Variants in TRIO observed in about 807,000 individuals in gnomAD.
TRIO encodes triple functional domain protein.
A neutral mutation model predicts 351.9 loss-of-function variants in TRIO; 58 were observed. The ratio of observed to expected loss-of-function variants is 0.16; its 90% CI spans 0.13 to 0.21. The LOEUF (loss-of-function observed/expected upper bound fraction) is 0.21. TRIO is among the 10% of genes least tolerant of loss of function. TRIO has a pLI of 1.00. For missense variants in TRIO, 3,201 were observed against 4,027.8 expected (o/e 0.79, Z 5.56); for synonymous variants, 1,758 against 1,595.7 (o/e 1.10, Z -2.42).
intron 1 of TRIO, among the ~76,000 whole-genome samples, chr5:14,179,302 T>G (rs1054864622): frequency 1.3e-5 from 2 of 152,212 alleles, no homozygotes; most frequent in Admixed American, 1.3e-4. Flanking sequence ...ACGGTGAAGT[T>G]AGAGGAATTG....
chr5:14,460,619 C>T (rs937159739), intron 34 of TRIO, among the ~76,000 whole-genome samples: 1 of 152,216 alleles, frequency 6.6e-6, no homozygotes. Context: ...TAAATTCATT[C>T]TTCTTTCTTG....
intron 7 of TRIO, among the ~76,000 whole-genome samples, chr5:14,298,718 A>G (rs1357330130): frequency 2.6e-5 from 4 of 152,226 alleles, no homozygotes; most frequent in African/African-American, 9.6e-5. Flanking sequence ...GTGATTTATA[A>G]AGAGAAACAA....
At position 14,157,442 on chromosome 5, in the gene TRIO, CCTCT is replaced by C. The variant is rs571633492; in HGVS notation, c.157+13566_157+13569del. On this transcript the variant is annotated intron_variant, in intron 1 of 56. Transcript: ENST00000344204. ...GTGTCTCCCTCTCTCTCCCTGTCTCCCTCTCTCTCCCTGTCTCCCTCTCTCTCCC... is the reference window on the plus strand; with the variant it reads ...GTGTCTCCCTCTCTCTCCCTGTCTCCCTCTCCCTGTCTCCCTCTCTCTCCC... Among the ~76,000 whole-genome samples the C allele has an allele frequency of 2.5e-3, 351 of 138,910 alleles. 1 individual carries two copies. Among genetic ancestry groups the C allele is most frequent in the African/African-American group, 8.8e-3 (325 of 36,956 alleles). 91.1% of individuals were successfully genotyped at this position (138,910 alleles called of 152,430 possible). A position where few individuals can be genotyped will look rare whatever the true frequency, so the allele number is the denominator to read the frequency against.
intron 1 of TRIO, among the ~76,000 whole-genome samples, chr5:14,237,430 C>T (rs886651110): frequency 2.0e-5 from 3 of 152,122 alleles, no homozygotes; most frequent in Non-Finnish European, 2.9e-5. Flanking sequence ...TTGTGAGTGT[C>T]GTGTGATGGG....
At position 14,304,599 on chromosome 5, in the gene TRIO, G is replaced by A. The variant is rs758803105; in HGVS notation, c.1500+7G>A. ...CACTCTTGCTTATTCTGAGGTAAGTGGCCAGTTTTACTTACATTGCAAAGC... is the reference window on the plus strand; with the variant it reads ...CACTCTTGCTTATTCTGAGGTAAGTAGCCAGTTTTACTTACATTGCAAAGC... On this transcript the variant is annotated splice_region_variant and intron_variant, in intron 8 of 56. Coordinates refer to ENST00000344204, the MANE Select transcript of TRIO (RefSeq NM_007118.4). 5.0e-6 allele frequency: 8 copies of A among 1,609,090 alleles called. No homozygotes were observed. The highest frequency in any genetic ancestry group is 5.9e-6 in the Non-Finnish European group (7 of 1,178,686).
chr5:14,229,203 T>A (rs1296590829), intron 1 of TRIO, among the ~76,000 whole-genome samples: 1 of 152,230 alleles, frequency 6.6e-6, no homozygotes, highest in Non-Finnish European at 1.5e-5. Context: ...GAACAGGGTA[T>A]GTCTGATCTA....
At chr5:14,386,067 C>T (rs544018708) in intron 21 of TRIO, among the ~76,000 whole-genome samples, 2 of 152,320 alleles carry the variant, frequency 1.3e-5, no homozygotes, top group East Asian at 3.9e-4. Flanking sequence ...ATCACTTGCA[C>T]CCTCTGTCAG....
At chr5:14,198,580 T>C (rs1418386119) in intron 1 of TRIO, among the ~76,000 whole-genome samples, 1 of 152,164 alleles carries the variant, frequency 6.6e-6, no homozygotes, top group East Asian at 1.9e-4. Context: ...TTGAAAGAAG[T>C]TGGGTTGGCA....
intron 45 of TRIO, chr5:14,481,919 C>T (rs1755553956): frequency 3.0e-6 from 1 of 332,572 alleles, no homozygotes. Flanking sequence ...TTCCTTTCCT[C>T]AGCACTTAAG....
intron 29 of TRIO, among the ~76,000 whole-genome samples, chr5:14,397,712 A>G (rs1487207067): frequency 1.3e-5 from 2 of 152,206 alleles, no homozygotes; most frequent in African/African-American, 4.8e-5. Flanking sequence ...TACACAGAAT[A>G]AGTTTTAATC....
intron 1 of TRIO, among the ~76,000 whole-genome samples, chr5:14,227,455 T>A (rs1352104426): frequency 1.3e-5 from 2 of 152,258 alleles, no homozygotes; most frequent in African/African-American, 4.8e-5. Context: ...GTGGTTGTCA[T>A]ACTGACGATC....
At chr5:14,426,764 C>T (rs1001373847) in intron 34 of TRIO, among the ~76,000 whole-genome samples, 3 of 152,234 alleles carry the variant, frequency 2.0e-5, no homozygotes, top group South Asian at 4.1e-4. Flanking sequence ...TAAACTGAGC[C>T]CTGTAAACAT....
chr5:14,486,936 T>G (rs1016666927), intron 47 of TRIO, among the ~76,000 whole-genome samples: 4 of 152,186 alleles, frequency 2.6e-5, no homozygotes, highest in Non-Finnish European at 5.9e-5. Flanking sequence ...TACATGTTAT[T>G]TTGGCCTGAT....
At chr5:14,342,176 G>A (rs1027566678) in intron 11 of TRIO, among the ~76,000 whole-genome samples, 2 of 152,174 alleles carry the variant, frequency 1.3e-5, no homozygotes, top group African/African-American at 4.8e-5. Context: ...CTGGGAAGCA[G>A]GTGCTCTCTG....
intron 2 of TRIO, among the ~76,000 whole-genome samples, chr5:14,279,127 C>G (rs1025905221): frequency 2.0e-4 from 31 of 152,110 alleles, no homozygotes; most frequent in African/African-American, 7.5e-4. Context: ...CATATAATAC[C>G]TAAATTATTG....
intron 1 of TRIO, among the ~76,000 whole-genome samples, chr5:14,219,563 G>C (rs565782255): frequency 6.6e-6 from 1 of 152,282 alleles, no homozygotes; most frequent in African/African-American, 2.4e-5. Context: ...CCCAGTTTTA[G>C]TACAGTGTCT....
intron 33 of TRIO, among the ~76,000 whole-genome samples, chr5:14,414,964 T>G (rs116791607): frequency 0.021 from 3,233 of 152,300 alleles, 45 homozygotes; most frequent in Non-Finnish European, 0.031. Context: ...ATAGTTACCC[T>G]TTTTTGTAAC....
Position 14,471,458 on chromosome 5 carries a change from G to T in TRIO, c.5904G>T (p.Lys1968Asn). ...AAGAAAGGAAATCCAGCTCTTTAAA[G>T]AGAAGACAGTAAGACAGAAATGTTT... The part of the protein sequence containing the change: ...EMEERKSSSL[K>N]RRHYVLQELV... The change falls in exon 38 of 57, where the codon AAG (lysine) becomes AAT (asparagine). Residue 1968 changes from lysine (K) to asparagine (N), a missense_variant. This residue lies in a region of TRIO where 307 missense variants were observed against 396.5 expected (regional missense o/e 0.77). Coordinates refer to ENST00000344204, the MANE Select transcript of TRIO (RefSeq NM_007118.4). 14 of 1,614,092 alleles carry T rather than the reference G, an allele frequency of 8.7e-6. No individual in the cohort carries two copies. The highest frequency in any genetic ancestry group is 1.2e-5 in the Non-Finnish European group (14 of 1,180,008).
intron 11 of TRIO, among the ~76,000 whole-genome samples, chr5:14,337,630 C>T (rs1473281376): frequency 2.0e-5 from 3 of 152,058 alleles, no homozygotes; most frequent in African/African-American, 4.8e-5. Flanking sequence ...GAGGGGAGGG[C>T]GAGGCCTGAC....
Sources: allele counts gnomAD v4.1 joint callset (sites outside exome capture counted in the v4.1 genomes callset), GRCh38; gene constraint gnomAD v4.1.1; regional missense constraint gnomAD v4.1.1; transcripts MANE v1.5; gene names NCBI Gene and HGNC (gene_info 2026-07-23, HGNC 2026-07-21).